Variants in ZFAND3 observed in about 807,000 individuals in gnomAD.
ZFAND3 encodes zinc finger AN1-type containing 3, also known as AN1-type zinc finger protein 3.
A neutral mutation model predicts 29.6 loss-of-function variants in ZFAND3; 10 were observed. That is an observed-to-expected ratio of 0.34 (90% CI 0.21 to 0.57). The LOEUF (loss-of-function observed/expected upper bound fraction) is 0.57. ZFAND3 is among the 20% of genes least tolerant of loss of function. The pLI, the probability that ZFAND3 is intolerant of heterozygous loss-of-function variation, is 0.86. For synonymous variants in ZFAND3, 128 were observed against 112.6 expected (o/e 1.14, Z -0.87); for missense variants, 230 against 304.5 (o/e 0.76, Z 1.82).
intron 4 of ZFAND3, 110 bp from the exon 5 acceptor site, chr6:38,116,462 C>A: frequency 1.5e-6 from 2 of 1,312,574 alleles, no homozygotes; most frequent in South Asian, 1.5e-5. Context: ...CTGTCTGATT[C>A]CTGGACAAGG....
intron 3 of ZFAND3, among the ~76,000 whole-genome samples, chr6:38,073,508 C>T (rs1042379579): frequency 5.3e-5 from 8 of 152,122 alleles, no homozygotes; most frequent in African/African-American, 1.9e-4. Flanking sequence ...GGAGAGGTGA[C>T]AGCCCCTAAT....
At chr6:37,827,537 C>G (rs910792850) in intron 1 of ZFAND3, among the ~76,000 whole-genome samples, 1 of 152,170 alleles carries the variant, frequency 6.6e-6, no homozygotes, top group African/African-American at 2.4e-5. Context: ...ATTGGATTTT[C>G]TGGTAAATTC....
intron 3 of ZFAND3, among the ~76,000 whole-genome samples, chr6:38,077,329 A>T (rs538494767): frequency 6.6e-6 from 1 of 152,208 alleles, no homozygotes; most frequent in Non-Finnish European, 1.5e-5. Flanking sequence ...AACAATGTAC[A>T]GATTATGATA....
chr6:38,085,406 A>G (rs987708520), intron 4 of ZFAND3, among the ~76,000 whole-genome samples: 2 of 152,166 alleles, frequency 1.3e-5, no homozygotes, highest in Non-Finnish European at 1.5e-5. Flanking sequence ...CTTAATAATG[A>G]TGTGTGTTAG....
chr6:38,154,040 C>T lies in ZFAND3; in HGVS notation c.*1651C>T. 1.0e-6 allele frequency: 1 copy of T among 985,520 alleles called. No homozygotes were observed. 61.0% of individuals were successfully genotyped at this position (985,520 alleles called of 1,614,324 possible). On this transcript the variant is annotated 3_prime_UTR_variant, in exon 6 of 6. Coordinates refer to ENST00000287218, the MANE Select transcript of ZFAND3 (RefSeq NM_021943.3). ...CACCCTCCACCCACCAGAGTGGAAC[C>T]CGCTGCAAAATCCCCAGCCTTAATT...
At chr6:38,033,154 A>G (rs997867919) in intron 2 of ZFAND3, among the ~76,000 whole-genome samples, 1 of 152,158 alleles carries the variant, frequency 6.6e-6, no homozygotes, top group African/African-American at 2.4e-5. Context: ...AATTCCTGAG[A>G]GCTGTTTGAA....
At chr6:37,908,551 AAAAAAAAAG>A (rs1233005338) in intron 1 of ZFAND3, among the ~76,000 whole-genome samples, 5 of 114,176 alleles carry the variant, frequency 4.4e-5, no homozygotes, top group Admixed American at 1.6e-4. Flanking sequence ...TTAAAAAAAA[AAAAAAAAAG>A]AAAAAAAAGA....
intron 2 of ZFAND3, among the ~76,000 whole-genome samples, chr6:38,043,105 A>G (rs906749258): frequency 2.0e-5 from 3 of 152,220 alleles, no homozygotes; most frequent in Admixed American, 2.0e-4. Flanking sequence ...TATATATTAC[A>G]AAGTCAGAAG....
chr6:38,030,068 A>G (rs1318908384), intron 2 of ZFAND3, among the ~76,000 whole-genome samples: 894 of 31,168 alleles, frequency 0.029, 8 homozygotes, highest in Non-Finnish European at 0.065. Flanking sequence ...ATATATATAT[A>G]TATATATATA....
At chr6:37,918,386 C>T (rs1378172428) in intron 1 of ZFAND3, among the ~76,000 whole-genome samples, 2 of 151,942 alleles carry the variant, frequency 1.3e-5, no homozygotes, top group Non-Finnish European at 2.9e-5. Flanking sequence ...GTGTAGATGT[C>T]TTTTCCTGGA....
intron 2 of ZFAND3, among the ~76,000 whole-genome samples, chr6:38,057,220 A>G (rs1764148318): frequency 6.6e-6 from 1 of 152,220 alleles, no homozygotes; most frequent in Non-Finnish European, 1.5e-5. Flanking sequence ...TCCAGTGTAG[A>G]ATGATGGGAG....
chr6:38,051,562 T>C (rs1764025917), intron 2 of ZFAND3, among the ~76,000 whole-genome samples: 1 of 152,180 alleles, frequency 6.6e-6, no homozygotes, highest in Non-Finnish European at 1.5e-5. Context: ...ATACCAAGGA[T>C]CAACTGTAAA....
intron 4 of ZFAND3, among the ~76,000 whole-genome samples, chr6:38,115,903 GCTGCTGCTGCAC>G (rs1765407980): frequency 6.6e-6 from 1 of 152,164 alleles, no homozygotes; most frequent in Admixed American, 6.5e-5. Context: ...GCCTGGTGCT[GCTGCTGCTGCAC>G]CACCCCATGG....
intron 3 of ZFAND3, among the ~76,000 whole-genome samples, chr6:38,066,695 C>G (rs780097963): frequency 1.0e-3 from 157 of 152,108 alleles, no homozygotes; most frequent in Non-Finnish European, 1.7e-3. Context: ...TCAACATGAA[C>G]TTGAACTATG....
chr6:38,055,238 A>G (rs1364884966), intron 2 of ZFAND3, among the ~76,000 whole-genome samples: 1 of 152,212 alleles, frequency 6.6e-6, no homozygotes, highest in East Asian at 1.9e-4. Context: ...TATGGTGTGA[A>G]ATACCAAACT....
At chr6:37,962,951 C>T (rs758751489) in intron 2 of ZFAND3, among the ~76,000 whole-genome samples, 3 of 151,122 alleles carry the variant, frequency 2.0e-5, no homozygotes, top group Admixed American at 2.0e-4. Flanking sequence ...CAACTCCGGA[C>T]GCACCACCTT....
intron 1 of ZFAND3, among the ~76,000 whole-genome samples, chr6:37,866,423 CT>C (rs1228853039): frequency 6.6e-6 from 1 of 151,988 alleles, no homozygotes; most frequent in Non-Finnish European, 1.5e-5. Context: ...ACCCCCACTT[CT>C]TTTTTTCTTA....
chr6:38,114,376 A>C (rs1765376384), intron 4 of ZFAND3, among the ~76,000 whole-genome samples: 1 of 152,216 alleles, frequency 6.6e-6, no homozygotes, highest in East Asian at 1.9e-4. Flanking sequence ...TTGTAGAAGA[A>C]GGGAGAGCGC....
intron 2 of ZFAND3, among the ~76,000 whole-genome samples, chr6:37,958,335 C>A (rs1171050664): frequency 6.6e-6 from 1 of 151,066 alleles, no homozygotes; most frequent in Non-Finnish European, 1.5e-5. Flanking sequence ...GCGCCTGTAA[C>A]CCCAGCTCCT....
Sources: gnomAD v4.1 joint callset for allele counts (sites outside exome capture counted in the v4.1 genomes callset) on GRCh38, gnomAD v4.1.1 for gene constraint, MANE v1.5 for transcripts, NCBI Gene and HGNC (gene_info 2026-07-23, HGNC 2026-07-21) for gene names.